Variants in CACNA1C observed in about 807,000 individuals in gnomAD.
The protein encoded by CACNA1C is calcium voltage-gated channel subunit alpha1 C.
CACNA1C carries 30 observed loss-of-function variants against 229.0 expected under a neutral mutation model. The ratio of observed to expected loss-of-function variants is 0.13; its 90% CI spans 0.10 to 0.18. The LOEUF (loss-of-function observed/expected upper bound fraction) is 0.18, where lower values mean the gene tolerates loss of function less well. Among genes scored for constraint, CACNA1C ranks in the 10% least tolerant of loss-of-function variants. The probability of loss-of-function intolerance (pLI) is 1.00; values close to 1 mark genes in which losing one functional copy is unlikely to be tolerated. For synonymous variants in CACNA1C, 1,114 were observed against 1,132.5 expected (o/e 0.98, Z 0.33); for missense variants, 1,658 against 2,845.0 (o/e 0.58, Z 9.49).
At position 2,582,094 on chromosome 12, in the gene CACNA1C, C is replaced by G. The variant is rs2071641; in HGVS notation, c.2103+297C>G. ...GAGGTTGCAGTGAGCCAAGATTGCA[C>G]CACTGCACACTCTAGCCTAGGTGAC... On this transcript the variant is annotated intron_variant, in intron 14 of 46. Transcript: ENST00000399655. 0.6 allele frequency among the ~76,000 whole-genome samples: 91,333 copies of G among 151,292 alleles called. 29,912 individuals carry two copies. Among genetic ancestry groups the G allele is most frequent in the East Asian group, 0.73 (3,724 of 5,118 alleles).
At chr12:1,982,659 G>T (rs1432621238) in intron 1 of CACNA1C, among the ~76,000 whole-genome samples, 4 of 152,224 alleles carry the variant, frequency 2.6e-5, no homozygotes, top group African/African-American at 9.6e-5. Flanking sequence ...TGGCTACTGT[G>T]AATAATGCTA....
chr12:2,069,922 A>G (rs1196228126), intron 1 of CACNA1C, among the ~76,000 whole-genome samples: 1 of 152,152 alleles, frequency 6.6e-6, no homozygotes, highest in African/African-American at 2.4e-5. Flanking sequence ...GACTCAAGCA[A>G]TCCTCCTGAG....
chr12:2,434,711 G>A (rs947421830), intron 3 of CACNA1C, among the ~76,000 whole-genome samples: 4 of 152,180 alleles, frequency 2.6e-5, no homozygotes, highest in Non-Finnish European at 4.4e-5. Context: ...TCTGTTTTCT[G>A]TGAGCCTTTC....
chr12:2,139,605 C>A (rs1465263749), intron 3 of CACNA1C, among the ~76,000 whole-genome samples: 1 of 151,138 alleles, frequency 6.6e-6, no homozygotes, highest in Non-Finnish European at 1.5e-5. Flanking sequence ...CTGCCCTTGC[C>A]TGTTAGCTCC....
Position 2,568,881 on chromosome 12 carries a change from T to A in CACNA1C, c.1895+1087T>A, listed in dbSNP as rs375436748. Among the ~76,000 whole-genome samples the A allele has an allele frequency of 2.6e-5, 4 of 151,866 alleles. No homozygotes were observed. The East Asian group carries it at 5.8e-4, about 22-fold the overall frequency. ...GAATTCTACAGTTTAAAAAAAAAGG[T>A]TAAGATGGTAAATTTTATGTTATGT... On this transcript the variant is annotated intron_variant, in intron 13 of 46. Coordinates refer to ENST00000399655, the MANE Select transcript of CACNA1C (RefSeq NM_000719.7).
chr12:2,690,602 G>A (rs556939863), intron 46 of CACNA1C, among the ~76,000 whole-genome samples: 1 of 152,306 alleles, frequency 6.6e-6, no homozygotes, highest in South Asian at 2.1e-4. Context: ...CCAAAGTGCT[G>A]GGTGACAGGT....
At chr12:2,303,962 C>T (rs781454034) in intron 3 of CACNA1C, among the ~76,000 whole-genome samples, 22 of 152,224 alleles carry the variant, frequency 1.4e-4, no homozygotes, top group Non-Finnish European at 2.8e-4. Context: ...GCTGGCTTGG[C>T]GTCTGGTGTG....
At chr12:2,154,487 T>A (rs1306234332) in intron 3 of CACNA1C, among the ~76,000 whole-genome samples, 1 of 152,100 alleles carries the variant, frequency 6.6e-6, no homozygotes, top group African/African-American at 2.4e-5. Context: ...ACAGGAGCAA[T>A]GAGGGAGACT....
At chr12:2,497,385 T>C (rs1045219358) in intron 7 of CACNA1C, among the ~76,000 whole-genome samples, 4 of 151,948 alleles carry the variant, frequency 2.6e-5, no homozygotes, top group African/African-American at 9.7e-5. Context: ...CTGATAGGGG[T>C]TGGGGACACA....
intron 3 of CACNA1C, among the ~76,000 whole-genome samples, chr12:2,155,218 A>AGT (rs1192696638): frequency 1.3e-5 from 2 of 152,218 alleles, no homozygotes; most frequent in East Asian, 1.9e-4. Context: ...TTTCTATGAC[A>AGT]GTGGTTCCCT....
At chr12:2,106,803 A>C (rs2078984620) in intron 1 of CACNA1C, among the ~76,000 whole-genome samples, 1 of 119,828 alleles carries the variant, frequency 8.3e-6, no homozygotes, top group Non-Finnish European at 1.7e-5. Flanking sequence ...CTGGGTGCTC[A>C]CCCCGGGGAG....
intron 1 of CACNA1C, among the ~76,000 whole-genome samples, chr12:2,080,373 G>A (rs866652688): frequency 3.9e-5 from 6 of 152,136 alleles, no homozygotes; most frequent in African/African-American, 9.7e-5. Context: ...AAGCTGAGGC[G>A]GGTGGATCAC....
chr12:2,358,665 G>A (rs1252160321), intron 3 of CACNA1C, among the ~76,000 whole-genome samples: 2 of 152,180 alleles, frequency 1.3e-5, no homozygotes, highest in Non-Finnish European at 2.9e-5. Context: ...TCTGGAAACT[G>A]CACAATCCAG....
In CACNA1C at chr12:2,115,589, C is replaced by T. The variant is rs558981903; in HGVS notation, c.371+44C>T. On this transcript the variant is annotated intron_variant, in intron 2 of 46. Coordinates refer to ENST00000399655, the MANE Select transcript of CACNA1C (RefSeq NM_000719.7). The stretch of plus-strand genomic sequence containing the variant: ...GCTGGGCATGCTCCTGGGACCTGCA[C>T]GCTGGGTCCAGCCCTCCGAGGCTCC... 101 of 1,584,848 alleles carry T rather than the reference C, an allele frequency of 6.4e-5. No individual in the cohort carries two copies. The East Asian group carries it at 1.1e-3, about 18-fold the overall frequency.
At chr12:2,524,697 C>G (rs2099815662) in intron 9 of CACNA1C, among the ~76,000 whole-genome samples, 1 of 152,256 alleles carries the variant, frequency 6.6e-6, no homozygotes, top group South Asian at 2.1e-4. Flanking sequence ...CCTGTCTGCT[C>G]TGCATCGGGC....
chr12:2,481,937 G>A (rs929880753), intron 5 of CACNA1C, among the ~76,000 whole-genome samples: 2 of 152,250 alleles, frequency 1.3e-5, no homozygotes, highest in African/African-American at 4.8e-5. Context: ...CCCGACACTC[G>A]CTTATCAGCG....
At chr12:2,002,701 GAAC>G (rs2042447910) in intron 1 of CACNA1C, among the ~76,000 whole-genome samples, 1 of 152,126 alleles carries the variant, frequency 6.6e-6, no homozygotes, top group Non-Finnish European at 1.5e-5. Flanking sequence ...TCAACTTACA[GAAC>G]TATACATCCC....
intron 3 of CACNA1C, among the ~76,000 whole-genome samples, chr12:2,171,967 A>T (rs780042009): frequency 2.6e-5 from 4 of 152,122 alleles, no homozygotes; most frequent in Non-Finnish European, 4.4e-5. Flanking sequence ...TATGCAGATG[A>T]CCACAGGGCC....
At chr12:2,178,294 C>T (rs1275887764) in intron 3 of CACNA1C, among the ~76,000 whole-genome samples, 1 of 152,178 alleles carries the variant, frequency 6.6e-6, no homozygotes, top group Admixed American at 6.5e-5. Flanking sequence ...GAGGAGCCAG[C>T]GGCTGGCTAT....
Sources: allele counts gnomAD v4.1 joint callset (sites outside exome capture counted in the v4.1 genomes callset), GRCh38; gene constraint gnomAD v4.1.1; transcripts MANE v1.5; gene names NCBI Gene and HGNC (gene_info 2026-07-23, HGNC 2026-07-21).